Variants in NUCKS1 observed in about 807,000 individuals in gnomAD.
The protein encoded by NUCKS1 is nuclear ubiquitous casein and cyclin-dependent kinase substrate 1.
In NUCKS1, 2 loss-of-function variants were observed where a neutral mutation model predicts 33.0. That is an observed-to-expected ratio of 0.06 (90% CI 0.02 to 0.19). NUCKS1 has a LOEUF of 0.19. Ranked by LOEUF, NUCKS1 falls within the 10% of genes least tolerant of loss-of-function variation. The pLI, the probability that NUCKS1 is intolerant of heterozygous loss-of-function variation, is 1.00. For synonymous variants in NUCKS1, 106 were observed against 102.8 expected (o/e 1.03, Z -0.19); for missense variants, 201 against 293.6 (o/e 0.68, Z 2.31).
rs575326222 is a variant in NUCKS1, at chr1:205,731,630, G to A, written c.18-2009C>T. Reference sequence around the variant, plus strand: ...AAATAGGCCAGGCGCAGTGGCTCACGCCTATAATTTCACCACTTTGGGAGG... The same window carrying A: ...AAATAGGCCAGGCGCAGTGGCTCACACCTATAATTTCACCACTTTGGGAGG... On this transcript the variant is annotated intron_variant, in intron 1 of 6. Coordinates refer to ENST00000367142, the MANE Select transcript of NUCKS1 (RefSeq NM_022731.5). Among the ~76,000 whole-genome samples, 326 of 152,224 alleles carry A rather than the reference G, an allele frequency of 2.1e-3. 1 individual carries two copies. Among genetic ancestry groups the A allele is most frequent in the African/African-American group, 6.3e-3 (260 of 41,544 alleles).
intron 1 of NUCKS1, among the ~76,000 whole-genome samples, chr1:205,735,181 G>C (rs1219059010): frequency 6.6e-6 from 1 of 152,148 alleles, no homozygotes; most frequent in Non-Finnish European, 1.5e-5. Context: ...ACATTATGGT[G>C]AACTGCATAC....
chr1:205,716,445 C>T lies in NUCKS1; in HGVS notation c.*1835G>A, dbSNP rs1203730997. ...GGCAAATAGATTAATCTTTAACACCCTCATTACAAAGTTCACACCTCTGAA... is the reference window on the plus strand; with the variant it reads ...GGCAAATAGATTAATCTTTAACACCTTCATTACAAAGTTCACACCTCTGAA... On this transcript the variant is annotated 3_prime_UTR_variant, in exon 7 of 7. Transcript: ENST00000367142. 6.6e-6 allele frequency: 1 copy of T among 152,138 alleles called. No homozygotes were observed. The highest frequency in any genetic ancestry group is 2.4e-5 in the African/African-American group (1 of 41,420). The allele number at this position is 152,138 out of a possible 1,614,324, so 9.4% of individuals were successfully genotyped here.
At chr1:205,720,714 G>A in intron 4 of NUCKS1, 61 bp from the exon 5 acceptor site, 3 of 1,465,672 alleles carry the variant, frequency 2.0e-6, no homozygotes, top group Non-Finnish European at 2.8e-6. Flanking sequence ...ACAAGATAGT[G>A]CAAAAGATTA....
chr1:205,735,081 C>A (rs527964086), intron 1 of NUCKS1, among the ~76,000 whole-genome samples: 1 of 152,238 alleles, frequency 6.6e-6, no homozygotes, highest in South Asian at 2.1e-4. Flanking sequence ...TTAAGAATTT[C>A]ATTTAAGTCC....
At chr1:205,744,630 G>GTTTTTGTTTTTT in intron 1 of NUCKS1, among the ~76,000 whole-genome samples, 1 of 87,786 alleles carries the variant, frequency 1.1e-5, no homozygotes, top group Non-Finnish European at 2.0e-5. Context: ...GTTCACTAGA[G>GTTTTTGTTTTTT]TTTTTTTTTT....
At position 205,717,344 on chromosome 1, in the gene NUCKS1, A is replaced by C; in HGVS notation, c.*936T>G. Reference sequence around the variant, plus strand: ...TTAAAACCTAAACATTGTCAGTTTGAAAAGAAATCCACTGTGACCTGTAGA... The same window carrying C: ...TTAAAACCTAAACATTGTCAGTTTGCAAAGAAATCCACTGTGACCTGTAGA... On this transcript the variant is annotated 3_prime_UTR_variant, in exon 7 of 7. Coordinates refer to ENST00000367142, the MANE Select transcript of NUCKS1 (RefSeq NM_022731.5). The C allele has an allele frequency of 1.0e-6, 1 of 987,454 alleles. No homozygotes were observed. The highest frequency in any genetic ancestry group is 1.2e-6 in the Non-Finnish European group (1 of 829,996). 61.2% of individuals were successfully genotyped at this position (987,454 alleles called of 1,614,324 possible).
Position 205,718,085 on chromosome 1 carries a change from T to TAAAAA in NUCKS1, c.*190_*194dup, listed in dbSNP as rs78311899. The TAAAAA allele has an allele frequency of 7.8e-6, 8 of 1,020,744 alleles. No homozygotes were observed. The highest frequency in any genetic ancestry group is 6.6e-5 in the East Asian group (1 of 15,062). The allele number at this position is 1,020,744 out of a possible 1,614,324, so 63.2% of individuals were successfully genotyped here. The stretch of plus-strand genomic sequence containing the variant: ...CACTTACACATACAATGGTTTGCTT[T>TAAAAA]AAAAAAAAAAAAAAAAAAAGAGAGA... On this transcript the variant is annotated 3_prime_UTR_variant, in exon 7 of 7. Transcript: ENST00000367142.
intron 3 of NUCKS1, among the ~76,000 whole-genome samples, 163 bp downstream of exon 3, chr1:205,727,537 A>G (rs957984577): frequency 6.6e-6 from 1 of 152,228 alleles, no homozygotes; most frequent in Admixed American, 6.5e-5. Flanking sequence ...AACAAATTGT[A>G]TACTCGAGCA....
chr1:205,729,030 G>A (rs1483785294), intron 2 of NUCKS1, among the ~76,000 whole-genome samples: 3 of 151,928 alleles, frequency 2.0e-5, no homozygotes, highest in African/African-American at 2.4e-5. Flanking sequence ...GTGCAGTGGC[G>A]CCATCTCGGC....
At chr1:205,724,697 C>G (rs1165570181) in intron 3 of NUCKS1, among the ~76,000 whole-genome samples, 4 of 151,368 alleles carry the variant, frequency 2.6e-5, no homozygotes, top group East Asian at 3.9e-4. Flanking sequence ...CCATCCCCAC[C>G]CCCCCCAAAA....
At position 205,713,716 on chromosome 1, in the gene NUCKS1, G is replaced by C. The variant is rs1671779607; in HGVS notation, c.*4564C>G. On this transcript the variant is annotated 3_prime_UTR_variant, in exon 7 of 7. Transcript: ENST00000367142. ...CAGATTTCAGCACTGTTAAGGTATT[G>C]CAAGAATGCCCAACCCTCTGGTGTC... 1 of 152,210 alleles carries C rather than the reference G, an allele frequency of 6.6e-6. No homozygotes were observed. Among genetic ancestry groups the C allele is most frequent in the Non-Finnish European group, 1.5e-5 (1 of 68,034 alleles). 9.4% of individuals were successfully genotyped at this position (152,210 alleles called of 1,614,324 possible).
intron 1 of NUCKS1, among the ~76,000 whole-genome samples, chr1:205,732,171 C>T (rs1653930860): frequency 6.6e-6 from 1 of 152,114 alleles, no homozygotes; most frequent in Non-Finnish European, 1.5e-5. Flanking sequence ...AGGAGTTCCA[C>T]CTTCTGTTTT....
At chr1:205,726,854 T>C (rs1348139502) in intron 3 of NUCKS1, among the ~76,000 whole-genome samples, 1 of 152,178 alleles carries the variant, frequency 6.6e-6, no homozygotes, top group Admixed American at 6.5e-5. Flanking sequence ...ATAATCACCA[T>C]TATCACCAAG....
intron 1 of NUCKS1, among the ~76,000 whole-genome samples, chr1:205,746,132 C>T (rs1654316941): frequency 6.8e-6 from 1 of 147,066 alleles, no homozygotes. Context: ...CCTGTCCCTA[C>T]TAAAAATACA....
chr1:205,714,380 T>C lies in NUCKS1; in HGVS notation c.*3900A>G, dbSNP rs1369007289. ...GGCATTCTACCAGCCACACAAAGCATGCTCAAACAGATGTCACCAGTTCAG... is the reference window on the plus strand; with the variant it reads ...GGCATTCTACCAGCCACACAAAGCACGCTCAAACAGATGTCACCAGTTCAG... On this transcript the variant is annotated 3_prime_UTR_variant, in exon 7 of 7. Transcript: ENST00000367142. 2 of 152,116 alleles carry C rather than the reference T, an allele frequency of 1.3e-5. No individual in the cohort carries two copies. The highest frequency in any genetic ancestry group is 2.9e-5 in the Non-Finnish European group (2 of 68,026). The allele number at this position is 152,116 out of a possible 1,614,324, so 9.4% of individuals were successfully genotyped here.
In NUCKS1 at chr1:205,750,014, C is replaced by CCGGGGGGGGGGGGGGGGGGG; in HGVS notation, c.-42_-41insCCCCCCCCCCCCCCCCCCCG. The CCGGGGGGGGGGGGGGGGGGG allele has an allele frequency of 8.3e-6, 13 of 1,568,916 alleles. No individual in the cohort carries two copies. The highest frequency in any genetic ancestry group is 4.8e-5 in the East Asian group (2 of 41,622). ...AGGACCGAGTCGAGAAGCCAAAGAC[C>CCGGGGGGGGGGGGGGGGGGG]AGGACCCCCCCCACCCCGCGCGCTC... On this transcript the variant is annotated 5_prime_UTR_variant, in exon 1 of 7. Coordinates refer to ENST00000367142, the MANE Select transcript of NUCKS1 (RefSeq NM_022731.5).
intron 2 of NUCKS1, among the ~76,000 whole-genome samples, chr1:205,728,981 T>C (rs1212036184): frequency 6.6e-6 from 1 of 152,168 alleles, no homozygotes; most frequent in East Asian, 1.9e-4. Flanking sequence ...GTGGATTTTT[T>C]TTTTTGAGAC....
chr1:205,750,015 A>AGGGGGGGGGGGGGG lies in NUCKS1; in HGVS notation c.-43_-42insCCCCCCCCCCCCCC. The AGGGGGGGGGGGGGG allele has an allele frequency of 6.6e-7, 1 of 1,506,244 alleles. No individual in the cohort carries two copies. The highest frequency in any genetic ancestry group is 9.0e-7 in the Non-Finnish European group (1 of 1,114,404). The allele number at this position is 1,506,244 out of a possible 1,614,324, so 93.3% of individuals were successfully genotyped here. ...GGACCGAGTCGAGAAGCCAAAGACC[A>AGGGGGGGGGGGGGG]GGACCCCCCCCACCCCGCGCGCTCG... On this transcript the variant is annotated 5_prime_UTR_variant, in exon 1 of 7. Transcript: ENST00000367142.
At position 205,750,130 on chromosome 1, in the gene NUCKS1, C is replaced by CGGGGCTCGTCT. The variant is rs1654471959; in HGVS notation, c.-158_-157insAGACGAGCCCC. 2 of 766,816 alleles carry CGGGGCTCGTCT rather than the reference C, an allele frequency of 2.6e-6. No individual in the cohort carries two copies. The highest frequency in any genetic ancestry group is 4.3e-6 in the Non-Finnish European group (2 of 461,838). 47.5% of individuals were successfully genotyped at this position (766,816 alleles called of 1,614,324 possible). A position where few individuals can be genotyped will look rare whatever the true frequency, so the allele number is the denominator to read the frequency against. ...TCTCAAACTCCGCTGCTCTTTGGTT[C>CGGGGCTCGTCT]AGGGCTCCTGGAACAGACGAGCCCC... On this transcript the variant is annotated 5_prime_UTR_variant, in exon 1 of 7. Coordinates refer to ENST00000367142, the MANE Select transcript of NUCKS1 (RefSeq NM_022731.5).
Sources: gnomAD v4.1 joint callset for allele counts (sites outside exome capture counted in the v4.1 genomes callset) on GRCh38, gnomAD v4.1.1 for gene constraint, MANE v1.5 for transcripts, NCBI Gene and HGNC (gene_info 2026-07-23, HGNC 2026-07-21) for gene names.